Variants in TOX observed in about 807,000 individuals in gnomAD.
The protein encoded by TOX is thymocyte selection associated high mobility group box, also known as thymocyte selection-associated high mobility group box protein TOX.
Under a neutral mutation model 53.7 loss-of-function variants are expected in TOX, and 11 were observed. The observed-to-expected ratio is 0.20, with a 90% CI of 0.13 to 0.34. The LOEUF is 0.34. Ranked by LOEUF, TOX falls within the 10% of genes least tolerant of loss-of-function variation. The probability of loss-of-function intolerance (pLI) is 1.00; values close to 1 mark genes in which losing one functional copy is unlikely to be tolerated. For synonymous variants in TOX, 225 were observed against 245.3 expected (o/e 0.92, Z 0.77); for missense variants, 570 against 664.6 (o/e 0.86, Z 1.56).
intron 3 of TOX, among the ~76,000 whole-genome samples, chr8:58,882,618 A>G (rs556065077): frequency 6.6e-6 from 1 of 152,328 alleles, no homozygotes; most frequent in Admixed American, 6.5e-5. Context: ...TTAAGAACAT[A>G]GCCAATGTCA....
intron 3 of TOX, among the ~76,000 whole-genome samples, chr8:58,856,561 G>A (rs2726552): frequency 0.63 from 95,514 of 151,966 alleles, 31,985 homozygotes; most frequent in African/African-American, 0.88. Flanking sequence ...TGTGGCAGAA[G>A]CCTCAAGCTA....
chr8:58,912,886 A>G (rs1811929916), intron 3 of TOX, among the ~76,000 whole-genome samples: 1 of 152,178 alleles, frequency 6.6e-6, no homozygotes, highest in Admixed American at 6.5e-5. Context: ...CTTACAGCAG[A>G]GTGTTCTACC....
intron 5 of TOX, among the ~76,000 whole-genome samples, chr8:58,835,827 G>A (rs1208254395): frequency 6.6e-6 from 1 of 152,146 alleles, no homozygotes; most frequent in African/African-American, 2.4e-5. Flanking sequence ...GGCAGAGCAG[G>A]CGATTGATGT....
At chr8:59,046,858 C>CAA (rs34869193) in intron 1 of TOX, among the ~76,000 whole-genome samples, 66 of 77,836 alleles carry the variant, frequency 8.5e-4, no homozygotes, top group East Asian at 2.6e-3. Flanking sequence ...GACTATGTCT[C>CAA]AAAAAAAAAA....
chr8:59,075,879 C>T (rs761663252), intron 1 of TOX, among the ~76,000 whole-genome samples: 9 of 152,080 alleles, frequency 5.9e-5, no homozygotes, highest in Non-Finnish European at 1.0e-4. Context: ...GTGGTGCATG[C>T]CTGTAATCTC....
At chr8:59,092,005 T>G (rs1465276324) in intron 1 of TOX, among the ~76,000 whole-genome samples, 1 of 151,834 alleles carries the variant, frequency 6.6e-6, no homozygotes, top group Non-Finnish European at 1.5e-5. Context: ...ATCCCAGCAC[T>G]TTGGGAGGCT....
chr8:58,872,782 G>T (rs892615958), intron 3 of TOX, among the ~76,000 whole-genome samples: 1 of 152,072 alleles, frequency 6.6e-6, no homozygotes, highest in South Asian at 2.1e-4. Flanking sequence ...AGGACTAAAC[G>T]TAATGTGGAA....
chr8:58,972,845 T>A (rs1194304635), intron 1 of TOX, among the ~76,000 whole-genome samples: 1 of 152,192 alleles, frequency 6.6e-6, no homozygotes, highest in African/African-American at 2.4e-5. Context: ...ATTAAGTAAA[T>A]TAATGTTAGA....
intron 3 of TOX, among the ~76,000 whole-genome samples, chr8:58,884,423 T>A (rs890155940): frequency 6.6e-6 from 1 of 152,134 alleles, no homozygotes; most frequent in Non-Finnish European, 1.5e-5. Context: ...ACAAGTTTCT[T>A]TTCAAAGTGG....
intron 1 of TOX, among the ~76,000 whole-genome samples, chr8:59,099,911 A>G (rs1402294068): frequency 1.3e-5 from 2 of 152,182 alleles, no homozygotes; most frequent in Admixed American, 6.5e-5. Flanking sequence ...ATTTTAAAAG[A>G]ATATTTCACT....
intron 3 of TOX, among the ~76,000 whole-genome samples, chr8:58,883,955 G>T (rs1811427767): frequency 6.6e-6 from 1 of 152,080 alleles, no homozygotes; most frequent in Non-Finnish European, 1.5e-5. Flanking sequence ...TGAATGGAAA[G>T]AAGCAACAAG....
At chr8:58,814,786 A>G (rs1395302602) in intron 7 of TOX, among the ~76,000 whole-genome samples, 1 of 152,216 alleles carries the variant, frequency 6.6e-6, no homozygotes, top group Admixed American at 6.5e-5. Context: ...CAATTTATGC[A>G]GAAGCCAGAT....
At chr8:58,845,853 C>T (rs1227094955) in intron 4 of TOX, among the ~76,000 whole-genome samples, 1 of 152,072 alleles carries the variant, frequency 6.6e-6, no homozygotes, top group Non-Finnish European at 1.5e-5. Flanking sequence ...TTATTTTATA[C>T]ACCTACTGGT....
chr8:58,998,513 A>AAACT (rs1563413309), intron 1 of TOX, among the ~76,000 whole-genome samples: 2 of 50,880 alleles, frequency 3.9e-5, no homozygotes, highest in East Asian at 1.2e-3. Flanking sequence ...ATATATATAT[A>AAACT]TATATATATA....
chr8:58,851,896 A>G lies in TOX; in HGVS notation c.412-91T>C, dbSNP rs1810832186. ...ATATGTTTTGGGCAAAAAAGTAATA[A>G]TTCTTTAGATTTCCAGATGTTCTGC... On this transcript the variant is annotated intron_variant, in intron 3 of 8. Coordinates refer to ENST00000361421, the MANE Select transcript of TOX (RefSeq NM_014729.3). The surrounding 1 kb of genome is among the most constrained non-coding windows in gnomAD (Gnocchi z 4.4). The G allele has an allele frequency of 2.7e-6, 3 of 1,114,298 alleles. No homozygotes were observed. The highest frequency in any genetic ancestry group is 7.7e-5 in the South Asian group (2 of 26,070). The allele number at this position is 1,114,298 out of a possible 1,614,324, so 69.0% of individuals were successfully genotyped here.
intron 1 of TOX, among the ~76,000 whole-genome samples, chr8:59,014,835 G>T (rs1813979221): frequency 6.6e-6 from 1 of 152,158 alleles, no homozygotes; most frequent in Admixed American, 6.5e-5. Flanking sequence ...AAACATGAGA[G>T]AAATTAGTAA....
At chr8:58,901,422 C>G (rs1811733452) in intron 3 of TOX, among the ~76,000 whole-genome samples, 1 of 152,144 alleles carries the variant, frequency 6.6e-6, no homozygotes, top group Non-Finnish European at 1.5e-5. Flanking sequence ...TCTGCTACTG[C>G]TGAGAACATT....
At chr8:58,963,314 T>TATATATAGATAGATAGATAG (rs71557744) in intron 1 of TOX, among the ~76,000 whole-genome samples, 31 of 130,742 alleles carry the variant, frequency 2.4e-4, no homozygotes, top group East Asian at 6.3e-4. Flanking sequence ...TAGATATATA[T>TATATATAGATAGATAGATAG]ATAGATAGAT....
intron 1 of TOX, among the ~76,000 whole-genome samples, chr8:59,056,883 A>G (rs1163145539): frequency 1.3e-5 from 2 of 152,246 alleles, no homozygotes; most frequent in African/African-American, 4.8e-5. Context: ...TGGAAAGATA[A>G]GGTCATGACA....
Sources: gnomAD v4.1 joint callset for allele counts (sites outside exome capture counted in the v4.1 genomes callset) on GRCh38, gnomAD v4.1.1 for gene constraint, Gnocchi (gnomAD v3.1) non-coding constraint, MANE v1.5 for transcripts, NCBI Gene and HGNC (gene_info 2026-07-23, HGNC 2026-07-21) for gene names.